The following WDR72 variants were observed in gnomAD, a reference collection of about 807,000 sequenced individuals.
WDR72 encodes WD repeat-containing protein 72.
A neutral mutation model predicts 124.2 loss-of-function variants in WDR72; 120 were observed. The ratio of observed to expected loss-of-function variants is 0.97; its 90% CI spans 0.83 to 1.12. The LOEUF is 1.12. WDR72 is among the 50% of genes most tolerant of loss of function. The pLI is 0.00. For missense variants in WDR72, 1,387 were observed against 1,278.8 expected (o/e 1.08, Z -1.29); for synonymous variants, 452 against 441.7 (o/e 1.02, Z -0.29).
intron 18 of WDR72, among the ~76,000 whole-genome samples, chr15:53,592,246 C>G (rs1455540662): frequency 6.6e-6 from 1 of 152,002 alleles, no homozygotes; most frequent in Non-Finnish European, 1.5e-5. Context: ...CCACACAGGC[C>G]TTTCCTAAGT....
chr15:53,665,624 T>A lies in WDR72; in HGVS notation c.1910A>T (p.Tyr637Phe). Residue 637 changes from tyrosine to phenylalanine, a missense_variant, in exon 14 of 20, where the codon TAC becomes TTC. Physicochemically the swap from Tyr to Phe is conservative, Grantham distance 22 (BLOSUM62 3). Coordinates refer to ENST00000360509, the MANE Select transcript of WDR72 (RefSeq NM_182758.4). Reference sequence around the variant, plus strand: ...AGGGCAAGGTAATGGCCCAAGCTGGTAGGGGCTGGAGGATCTCTGTTCTAT... The same window carrying A: ...AGGGCAAGGTAATGGCCCAAGCTGGAAGGGGCTGGAGGATCTCTGTTCTAT... The part of the protein sequence containing the change: ...KSIEQRSSSP[Y>F]QLGPLPCPGL... 1 of 1,613,904 alleles carries A rather than the reference T, an allele frequency of 6.2e-7. No individual in the cohort carries two copies. The highest frequency in any genetic ancestry group is 8.5e-7 in the Non-Finnish European group (1 of 1,179,860).
intron 13 of WDR72, among the ~76,000 whole-genome samples, chr15:53,672,487 T>C (rs1007605201): frequency 6.6e-6 from 1 of 152,190 alleles, no homozygotes; most frequent in Non-Finnish European, 1.5e-5. Flanking sequence ...GTCAAATTTA[T>C]AGGCATCTAC....
At chr15:53,723,098 T>G (rs564191848) in intron 2 of WDR72, among the ~76,000 whole-genome samples, 190 bp from the exon 3 acceptor site, 1 of 152,346 alleles carries the variant, frequency 6.6e-6, no homozygotes, top group South Asian at 2.1e-4. Context: ...AATTGTGCTG[T>G]AGACAGGTTT....
chr15:53,641,933 C>G (rs2014867153), intron 14 of WDR72, among the ~76,000 whole-genome samples: 1 of 151,466 alleles, frequency 6.6e-6, no homozygotes, highest in South Asian at 2.1e-4. Context: ...TTCCTTCCAT[C>G]TTTTTTTTCT....
chr15:53,555,434 T>G (rs1248241338), intron 18 of WDR72, among the ~76,000 whole-genome samples: 1 of 151,796 alleles, frequency 6.6e-6, no homozygotes, highest in Non-Finnish European at 1.5e-5. Context: ...GGGAGAGAGA[T>G]AAAGAGAGAG....
At chr15:53,620,737 G>C (rs1465818327) in intron 14 of WDR72, among the ~76,000 whole-genome samples, 1 of 152,016 alleles carries the variant, frequency 6.6e-6, no homozygotes, top group Non-Finnish European at 1.5e-5. Context: ...CATCAGCCTA[G>C]GCAAGGATTT....
At chr15:53,640,221 A>C (rs1195182790) in intron 14 of WDR72, among the ~76,000 whole-genome samples, 2 of 152,158 alleles carry the variant, frequency 1.3e-5, no homozygotes, top group Admixed American at 1.3e-4. Flanking sequence ...TAAGTGAAAA[A>C]TAAATGTCTT....
chr15:53,549,414 T>C (rs1893632430), intron 18 of WDR72, among the ~76,000 whole-genome samples: 1 of 152,190 alleles, frequency 6.6e-6, no homozygotes, highest in Non-Finnish European at 1.5e-5. Context: ...GATGTTGACA[T>C]ATATATACTT....
intron 17 of WDR72, among the ~76,000 whole-genome samples, chr15:53,601,285 G>T (rs1336786575): frequency 6.6e-6 from 1 of 152,004 alleles, no homozygotes; most frequent in Non-Finnish European, 1.5e-5. Context: ...GGAGAAAAAA[G>T]ATCCTTCTCA....
chr15:53,604,450 G>A (rs777082013), intron 17 of WDR72, among the ~76,000 whole-genome samples: 74 of 152,150 alleles, frequency 4.9e-4, no homozygotes, highest in Non-Finnish European at 7.8e-4. Flanking sequence ...GATGCCAAAA[G>A]CAACTGCAAC....
chr15:53,553,388 G>C (rs868856834), intron 18 of WDR72, among the ~76,000 whole-genome samples: 1 of 152,260 alleles, frequency 6.6e-6, no homozygotes, highest in Middle Eastern at 3.4e-3. Flanking sequence ...CAGGTTGTGG[G>C]TGCTGCAGTG....
chr15:53,668,762 C>T (rs1003982710), intron 13 of WDR72, among the ~76,000 whole-genome samples: 7 of 151,530 alleles, frequency 4.6e-5, no homozygotes, highest in African/African-American at 9.7e-5. Context: ...AAAAATTAGC[C>T]GGACATGGTG....
At chr15:53,579,972 C>A (rs1370749459) in intron 18 of WDR72, among the ~76,000 whole-genome samples, 1 of 152,014 alleles carries the variant, frequency 6.6e-6, no homozygotes, top group Admixed American at 6.6e-5. Context: ...ATGATAATTG[C>A]ATCTATCACT....
intron 2 of WDR72, among the ~76,000 whole-genome samples, chr15:53,731,863 T>G (rs188552426): frequency 9.2e-5 from 14 of 152,300 alleles, no homozygotes; most frequent in Admixed American, 9.2e-4. Flanking sequence ...AAAAGTTGAA[T>G]AAATATTAGC....
chr15:53,538,791 A>G lies in WDR72; in HGVS notation c.3149-15469T>C, dbSNP rs574583679. On this transcript the variant is annotated intron_variant, in intron 18 of 19. Coordinates refer to ENST00000360509, the MANE Select transcript of WDR72 (RefSeq NM_182758.4). ...AGACACACAGCAGATCACAGAATGA[A>G]TCAGATCACTGCATGGTTCTGATCC... 1.1e-4 allele frequency among the ~76,000 whole-genome samples: 16 copies of G among 152,274 alleles called. No homozygotes were observed. In the East Asian group the frequency reaches 2.9e-3, roughly 28 times the overall value.
At chr15:53,686,748 C>T (rs1173073707) in intron 13 of WDR72, among the ~76,000 whole-genome samples, 2 of 149,820 alleles carry the variant, frequency 1.3e-5, no homozygotes, top group African/African-American at 5.0e-5. Flanking sequence ...CCCAAATCAA[C>T]AGAATATACA....
chr15:53,536,606 G>C (rs902170232), intron 18 of WDR72, among the ~76,000 whole-genome samples: 2 of 152,136 alleles, frequency 1.3e-5, no homozygotes, highest in African/African-American at 4.8e-5. Flanking sequence ...GTGGATGAAT[G>C]TATGAACAAA....
At chr15:53,568,073 T>G (rs1443762985) in intron 18 of WDR72, among the ~76,000 whole-genome samples, 1 of 662 alleles carries the variant, frequency 1.5e-3, no homozygotes, top group African/African-American at 4.0e-3. Flanking sequence ...TTTTGTCTTG[T>G]TTTTTTTTTT....
chr15:53,587,574 T>A (rs907887136), intron 18 of WDR72, among the ~76,000 whole-genome samples: 1 of 152,068 alleles, frequency 6.6e-6, no homozygotes. Flanking sequence ...GTAGGTAGGT[T>A]ATAATGCTTA....
Sources: gnomAD v4.1 joint callset for allele counts (sites outside exome capture counted in the v4.1 genomes callset) on GRCh38, gnomAD v4.1.1 for gene constraint, MANE v1.5 for transcripts, NCBI Gene and HGNC (gene_info 2026-07-23, HGNC 2026-07-21) for gene names.